ADGRV1: variants seen among roughly 807,000 people sequenced by gnomAD.
ADGRV1 encodes the protein adhesion G protein-coupled receptor V1.
Under a neutral mutation model 596.2 loss-of-function variants are expected in ADGRV1, and 359 were observed. That is an observed-to-expected ratio of 0.60 (90% CI 0.55 to 0.66). The LOEUF is 0.66. Among genes scored for constraint, ADGRV1 ranks in the 30% least tolerant of loss-of-function variants. The pLI is 0.00. For synonymous variants in ADGRV1, 2,681 were observed against 2,679.2 expected (o/e 1.00, Z -0.02); for missense variants, 7,274 against 7,575.6 (o/e 0.96, Z 1.48).
At chr5:90,999,247 G>GT in intron 85 of ADGRV1, among the ~76,000 whole-genome samples, 1 of 152,020 alleles carries the variant, frequency 6.6e-6, no homozygotes, top group South Asian at 2.1e-4. Flanking sequence ...TATGAGATGA[G>GT]TTTTTGTATG....
chr5:90,765,469 A>C (rs1428550054), intron 59 of ADGRV1, among the ~76,000 whole-genome samples: 1 of 147,258 alleles, frequency 6.8e-6, no homozygotes, highest in African/African-American at 2.6e-5. Flanking sequence ...ACACACACAC[A>C]CAAACTCTAG....
rs772697901 is a variant in ADGRV1, at chr5:90,692,592, A to C, written c.6952-13A>C. ...CTGTGATGCTGTTAAGGAAGTTTTCACTGTATTTTTAGGTTATCCAAGTGC... is the reference window on the plus strand; with the variant it reads ...CTGTGATGCTGTTAAGGAAGTTTTCCCTGTATTTTTAGGTTATCCAAGTGC... On this transcript the variant is annotated splice_polypyrimidine_tract_variant and intron_variant, in intron 31 of 89. Transcript: ENST00000405460. 9 of 1,592,192 alleles carry C rather than the reference A, an allele frequency of 5.7e-6. No individual in the cohort carries two copies. In the Admixed American group the frequency reaches 7.2e-5, roughly 13 times the overall value.
At chr5:90,756,688 C>T in intron 56 of ADGRV1, 58 bp downstream of exon 56, 1 of 1,404,528 alleles carries the variant, frequency 7.1e-7, no homozygotes, top group South Asian at 1.3e-5. Context: ...GCTGATTTGG[C>T]CAGTGTTTTA....
intron 85 of ADGRV1, among the ~76,000 whole-genome samples, chr5:91,040,552 T>G (rs1785254652): frequency 6.6e-6 from 1 of 152,212 alleles, no homozygotes; most frequent in Non-Finnish European, 1.5e-5. Context: ...GCTTTATGGA[T>G]CTGCTTAACA....
In ADGRV1 at chr5:90,692,696, C is replaced by T; in HGVS notation, c.7043C>T (p.Pro2348Leu). ...ATTATTATTCCTGCCAATGATGATC[C>T]TTATGGTACAGTAGCCTTTGCTCAG... ...ANIIIPANDD[P>L]YGTVAFAQMV... Residue 2348 changes from proline to leucine, a missense_variant, in exon 32 of 90, where the codon CCT becomes CTT. Pro to Leu is a moderately conservative substitution (Grantham distance 98, BLOSUM62 -3). Transcript: ENST00000405460. 1 of 1,610,552 alleles carries T rather than the reference C, an allele frequency of 6.2e-7. No homozygotes were observed. Among genetic ancestry groups the T allele is most frequent in the Non-Finnish European group, 8.5e-7 (1 of 1,178,394 alleles).
rs397517433 is a variant in ADGRV1 at position 90,690,046 on chromosome 5, G to C, written c.6676G>C (p.Glu2226Gln). The C allele has an allele frequency of 6.3e-7, 1 of 1,581,792 alleles. No individual in the cohort carries two copies. Among genetic ancestry groups the C allele is most frequent in the Admixed American group, 1.8e-5 (1 of 54,942 alleles). Residue 2226 changes from glutamate (E) to glutamine (Q), a missense_variant, in exon 30 of 90, where the codon GAG becomes CAG. Physicochemically the swap from Glu to Gln is conservative, Grantham distance 29 (BLOSUM62 2). Around this residue, in one of 5 missense-constraint regions of ADGRV1, gnomAD observed 3,643 missense variants for 3,809.2 expected, o/e 0.96. Transcript: ENST00000405460. ...TTTAACAGAGGCAGTCATTATTATTGAGGCCTCTGATGACCCCTATGGATT... is the reference window on the plus strand; with the variant it reads ...TTTAACAGAGGCAGTCATTATTATTCAGGCCTCTGATGACCCCTATGGATT... ...GALTEAVIII[E>Q]ASDDPYGLFG...
chr5:90,675,329 G>A lies in ADGRV1; in HGVS notation c.5197G>A (p.Glu1733Lys). 6.2e-7 allele frequency: 1 copy of A among 1,613,898 alleles called. No individual in the cohort carries two copies. Among genetic ancestry groups the A allele is most frequent in the Non-Finnish European group, 8.5e-7 (1 of 1,179,854 alleles). ...PASSVPHITVEEEDGEIRLLV... is the reference protein window; with the variant it reads ...PASSVPHITVKEEDGEIRLLV... ...AAGCAGCGTTCCACATATCACTGTG[G>A]AGGAGGAAGATGGAGAAATCAGGTT... The change falls in exon 24 of 90, where the codon GAG becomes AAG. Residue 1733 changes from glutamate to lysine, a missense_variant. This residue lies in a region of ADGRV1 where 3,643 missense variants were observed against 3,809.2 expected (regional missense o/e 0.96). Transcript: ENST00000405460.
intron 64 of ADGRV1, among the ~76,000 whole-genome samples, chr5:90,780,637 AT>A (rs1758738139): frequency 6.6e-6 from 1 of 152,118 alleles, no homozygotes; most frequent in African/African-American, 2.4e-5. Flanking sequence ...ATTGATTATG[AT>A]TGGTTTCTGT....
chr5:90,633,994 G>A (rs1765826939), intron 9 of ADGRV1, among the ~76,000 whole-genome samples: 1 of 152,108 alleles, frequency 6.6e-6, no homozygotes. Context: ...TAAATCACAG[G>A]TCTACTGGTG....
intron 81 of ADGRV1, among the ~76,000 whole-genome samples, chr5:90,854,839 A>T (rs1240887403): frequency 6.6e-6 from 1 of 152,192 alleles, no homozygotes; most frequent in Non-Finnish European, 1.5e-5. Flanking sequence ...CACACAAACT[A>T]AAATTCTAAA....
At chr5:91,103,741 A>T (rs1383965627) in intron 87 of ADGRV1, among the ~76,000 whole-genome samples, 2 of 152,144 alleles carry the variant, frequency 1.3e-5, no homozygotes, top group African/African-American at 4.8e-5. Context: ...CCCTGAGCAG[A>T]CCTGATATAC....
intron 76 of ADGRV1, among the ~76,000 whole-genome samples, chr5:90,824,260 A>G (rs1763876782): frequency 6.6e-6 from 1 of 152,226 alleles, no homozygotes; most frequent in Non-Finnish European, 1.5e-5. Context: ...TACTTTTAAA[A>G]TATCTGGAAG....
intron 1 of ADGRV1, among the ~76,000 whole-genome samples, chr5:90,599,404 T>A (rs1473958876): frequency 1.3e-5 from 2 of 152,212 alleles, no homozygotes; most frequent in Non-Finnish European, 2.9e-5. Context: ...AATGTTCTGA[T>A]AGCTGTTATT....
At chr5:91,107,557 C>G (rs2126675835) in intron 87 of ADGRV1, among the ~76,000 whole-genome samples, 1 of 152,242 alleles carries the variant, frequency 6.6e-6, no homozygotes, top group East Asian at 1.9e-4. Flanking sequence ...GTAATGCCCT[C>G]TCTTTTCTCT....
rs777111873 is a variant in ADGRV1 at position 90,672,613 on chromosome 5, A to G, written c.4820A>G (p.His1607Arg). The change falls in exon 22 of 90, where the codon CAT becomes CGT. Residue 1607 changes from histidine (H) to arginine (R), a missense_variant. By Grantham distance (29) the His-to-Arg change is conservative. Transcript: ENST00000405460. ...ERTRGALDYV[H>R]VFYTISQIET... Reference sequence around the variant, plus strand: ...ACCAGAGGAGCTCTGGATTATGTGCATGTTTTTTACACCATTTCACAGATT... The same window carrying G: ...ACCAGAGGAGCTCTGGATTATGTGCGTGTTTTTTACACCATTTCACAGATT... The G allele has an allele frequency of 8.1e-6, 13 of 1,613,828 alleles. No homozygotes were observed. Among genetic ancestry groups the G allele is most frequent in the Non-Finnish European group, 1.1e-5 (13 of 1,179,758 alleles).
chr5:91,014,136 CCA>C (rs70973720), intron 85 of ADGRV1, among the ~76,000 whole-genome samples: 603 of 35,512 alleles, frequency 0.017, 10 homozygotes, highest in Non-Finnish European at 0.021. Flanking sequence ...TTCACAATTG[CCA>C]CACACACACA....
At chr5:90,984,908 A>G (rs890552478) in intron 84 of ADGRV1, among the ~76,000 whole-genome samples, 8 of 152,240 alleles carry the variant, frequency 5.3e-5, no homozygotes, top group Non-Finnish European at 8.8e-5. Flanking sequence ...TGGCCCTGCC[A>G]TATGATAGGC....
rs150549897 is a variant in ADGRV1, at chr5:90,712,327, A to G, written c.9083A>G (p.Asn3028Ser). Residue 3028 changes from asparagine (N) to serine (S), a missense_variant, in exon 42 of 90, where the codon AAT (asparagine) becomes AGT (serine). Asn to Ser is a conservative substitution (Grantham distance 46). This residue lies in a region of ADGRV1 where 3,643 missense variants were observed against 3,809.2 expected (regional missense o/e 0.96). Coordinates refer to ENST00000405460, the MANE Select transcript of ADGRV1 (RefSeq NM_032119.4). ...FADGERYKNV[N>S]IMILDDDIPE... ...GATGGAGAAAGGTATAAAAATGTCAATATCATGATTCTTGATGATGACATT... is the reference window on the plus strand; with the variant it reads ...GATGGAGAAAGGTATAAAAATGTCAGTATCATGATTCTTGATGATGACATT... 1.6e-4 allele frequency: 243 copies of G among 1,557,030 alleles called. No individual in the cohort carries two copies. The African/African-American group carries it at 2.6e-3, about 17-fold the overall frequency.
At chr5:91,062,638 C>T (rs1487326856) in intron 85 of ADGRV1, among the ~76,000 whole-genome samples, 2 of 152,140 alleles carry the variant, frequency 1.3e-5, no homozygotes, top group South Asian at 2.1e-4. Flanking sequence ...TGCAGATCTG[C>T]GGTATCCTCT....
Sources: allele counts gnomAD v4.1 joint callset (sites outside exome capture counted in the v4.1 genomes callset), GRCh38; gene constraint gnomAD v4.1.1; regional missense constraint gnomAD v4.1.1; transcripts MANE v1.5; gene names NCBI Gene and HGNC (gene_info 2026-07-23, HGNC 2026-07-21).